TMEM117: variants seen among roughly 807,000 people sequenced by gnomAD.
TMEM117 encodes transmembrane protein 117.
In TMEM117, 27 loss-of-function variants were observed where a neutral mutation model predicts 52.4. That is an observed-to-expected ratio of 0.51 (90% CI 0.38 to 0.71). The LOEUF is 0.71. TMEM117 is among the 30% of genes least tolerant of loss of function. The probability of loss-of-function intolerance (pLI) is 0.00; values close to 1 mark genes in which losing one functional copy is unlikely to be tolerated. For missense variants in TMEM117, 556 were observed against 630.5 expected (o/e 0.88, Z 1.26); for synonymous variants, 215 against 206.3 (o/e 1.04, Z -0.36).
chr12:43,999,100 T>G (rs1445388217), intron 3 of TMEM117, among the ~76,000 whole-genome samples: 1 of 152,214 alleles, frequency 6.6e-6, no homozygotes, highest in Non-Finnish European at 1.5e-5. Context: ...ATTGGTACAT[T>G]TTGAAAAACA....
intron 4 of TMEM117, among the ~76,000 whole-genome samples, chr12:44,191,526 G>A (rs910281096): frequency 2.0e-5 from 3 of 152,174 alleles, no homozygotes; most frequent in African/African-American, 4.8e-5. Flanking sequence ...AGACATGGTA[G>A]AGTTGTAGTA....
At chr12:44,187,369 C>A (rs1565569235) in intron 4 of TMEM117, among the ~76,000 whole-genome samples, 1 of 152,076 alleles carries the variant, frequency 6.6e-6, no homozygotes, top group Non-Finnish European at 1.5e-5. Context: ...TCCCTGTAAG[C>A]ATAGCTCTGA....
chr12:43,911,856 G>T (rs1944508193), intron 2 of TMEM117, among the ~76,000 whole-genome samples: 1 of 151,308 alleles, frequency 6.6e-6, no homozygotes, highest in African/African-American at 2.4e-5. Context: ...AACAGGTGCT[G>T]GAGAGGCTGT....
In TMEM117 at chr12:44,359,889, G is replaced by T. The variant is rs1019788052; in HGVS notation, c.769-16706G>T. 2.0e-5 allele frequency among the ~76,000 whole-genome samples: 3 copies of T among 152,202 alleles called. No homozygotes were observed. In the East Asian group the frequency reaches 5.8e-4, roughly 29 times the overall value. ...AGTAAAAATGTTAGCAATTATTTTT[G>T]TCTGTGCACAAACAAGTAGTTTGAT... On this transcript the variant is annotated intron_variant, in intron 6 of 7. Transcript: ENST00000266534.
At chr12:43,895,002 T>A (rs187268283) in intron 2 of TMEM117, among the ~76,000 whole-genome samples, 97 of 152,306 alleles carry the variant, frequency 6.4e-4, no homozygotes, top group African/African-American at 2.2e-3. Context: ...TTTTTTTAAC[T>A]TTTATTTTAA....
At chr12:44,353,339 G>C (rs1161336427) in intron 6 of TMEM117, among the ~76,000 whole-genome samples, 1 of 152,154 alleles carries the variant, frequency 6.6e-6, no homozygotes, top group African/African-American at 2.4e-5. Context: ...GGTTGCCATT[G>C]CTTTTGGTGT....
chr12:43,969,785 T>A (rs1945551026), intron 3 of TMEM117, among the ~76,000 whole-genome samples: 1 of 152,062 alleles, frequency 6.6e-6, no homozygotes, highest in African/African-American at 2.4e-5. Flanking sequence ...TCCCAGTCAT[T>A]ATTCTCCTTA....
In TMEM117 at chr12:44,191,385, GTCTA is replaced by G. The variant is rs553589317; in HGVS notation, c.511-19899_511-19896del. Among the ~76,000 whole-genome samples, 65 of 151,390 alleles carry G rather than the reference GTCTA, an allele frequency of 4.3e-4. No homozygotes were observed. In the South Asian group the frequency reaches 9.4e-3, roughly 22 times the overall value. ...TGTCTGTCTGTCTGTCTGTCTGTCT[GTCTA>G]TCTATGTATCAATCATTTATCTATC... is the stretch of plus-strand genomic sequence containing the variant. On this transcript the variant is annotated intron_variant, in intron 4 of 7. Transcript: ENST00000266534.
chr12:44,010,084 C>A, intron 3 of TMEM117: 1 of 453,062 alleles, frequency 2.2e-6, no homozygotes, highest in South Asian at 1.7e-5. Flanking sequence ...CATTAGTCTC[C>A]CACATAGCCC....
chr12:43,867,014 C>T (rs1943612773), intron 2 of TMEM117, among the ~76,000 whole-genome samples: 1 of 151,722 alleles, frequency 6.6e-6, no homozygotes, highest in Non-Finnish European at 1.5e-5. Flanking sequence ...CGCTTGAACC[C>T]AGGAGGCAGA....
intron 6 of TMEM117, among the ~76,000 whole-genome samples, chr12:44,311,397 A>G (rs1950973022): frequency 6.6e-6 from 1 of 152,084 alleles, no homozygotes; most frequent in Non-Finnish European, 1.5e-5. Flanking sequence ...TAGAAAAAAG[A>G]TAAGTAGTTG....
chr12:44,264,812 AAATAAT>A (rs1007865146), intron 5 of TMEM117, among the ~76,000 whole-genome samples: 3 of 152,180 alleles, frequency 2.0e-5, no homozygotes, highest in African/African-American at 7.2e-5. Context: ...AATTGAAAAT[AAATAAT>A]AATAATAACT....
At chr12:43,961,446 C>G (rs1240717041) in intron 3 of TMEM117, among the ~76,000 whole-genome samples, 2 of 152,092 alleles carry the variant, frequency 1.3e-5, no homozygotes, top group African/African-American at 2.4e-5. Context: ...TGCCATAGTA[C>G]TTAATGTGTA....
chr12:44,226,499 A>T (rs977998756), intron 5 of TMEM117, among the ~76,000 whole-genome samples: 6 of 132,872 alleles, frequency 4.5e-5, no homozygotes, highest in Non-Finnish European at 8.1e-5. Flanking sequence ...ATAAATATAT[A>T]TATGTGTGTG....
intron 3 of TMEM117, among the ~76,000 whole-genome samples, chr12:44,014,777 T>TCTTC (rs1946348452): frequency 6.6e-6 from 1 of 152,196 alleles, no homozygotes; most frequent in African/African-American, 2.4e-5. Flanking sequence ...TTTCTTTCTT[T>TCTTC]CTTCCTTCAT....
intron 5 of TMEM117, among the ~76,000 whole-genome samples, chr12:44,260,669 G>A (rs1411746462): frequency 6.6e-5 from 10 of 152,134 alleles, no homozygotes; most frequent in Non-Finnish European, 1.3e-4. Flanking sequence ...ATGTACTTCA[G>A]ACTACATGAG....
At chr12:44,137,329 A>T (rs1948505589) in intron 3 of TMEM117, among the ~76,000 whole-genome samples, 2 of 152,134 alleles carry the variant, frequency 1.3e-5, no homozygotes, top group Admixed American at 6.6e-5. Context: ...AGGGATTGGC[A>T]TGGGACAATA....
At chr12:44,316,630 T>C (rs1024374033) in intron 6 of TMEM117, among the ~76,000 whole-genome samples, 2 of 152,196 alleles carry the variant, frequency 1.3e-5, no homozygotes, top group Non-Finnish European at 2.9e-5. Flanking sequence ...TCTACCTCTT[T>C]AAAAATACTA....
chr12:44,376,665 A>C lies in TMEM117; in HGVS notation c.839A>C (p.Gln280Pro). ...CCTGGTTTGCACACCCCTCACATGC[A>C]GTTCAAGATTCCTTTCTTCCAGAAA... The part of the protein sequence containing the change: ...NLPGLHTPHM[Q>P]FKIPFFQKIF... The change falls in exon 7 of 8, where the codon CAG becomes CCG. Residue 280 changes from glutamine (Q) to proline (P), a missense_variant. Physicochemically the swap from Gln to Pro is moderately conservative, Grantham distance 76. Transcript: ENST00000266534. 1 of 1,612,324 alleles carries C rather than the reference A, an allele frequency of 6.2e-7. No homozygotes were observed. The highest frequency in any genetic ancestry group is 8.5e-7 in the Non-Finnish European group (1 of 1,179,290).
Sources: gnomAD v4.1 joint callset for allele counts (sites outside exome capture counted in the v4.1 genomes callset) on GRCh38, gnomAD v4.1.1 for gene constraint, MANE v1.5 for transcripts, NCBI Gene and HGNC (gene_info 2026-07-23, HGNC 2026-07-21) for gene names.